ABCA13: variants seen among roughly 807,000 people sequenced by gnomAD.
The protein encoded by ABCA13 is ATP-binding cassette sub-family A member 13.
Under a neutral mutation model 478.7 loss-of-function variants are expected in ABCA13, and 476 were observed. The ratio of observed to expected loss-of-function variants is 0.99; its 90% CI spans 0.92 to 1.07. The LOEUF is 1.07. ABCA13 is among the 50% of genes least tolerant of loss of function. ABCA13 has a pLI of 0.00. For missense variants in ABCA13, 6,060 were observed against 5,910.6 expected, an observed-to-expected ratio of 1.03 and a Z score of -0.83; for synonymous variants, 2,252 against 2,158.9, an observed-to-expected ratio of 1.04 and a Z score of -1.20.
At position 48,410,411 on chromosome 7, in the gene ABCA13, G is replaced by C. The variant is rs566623052; in HGVS notation, c.12071-109G>C. 1.0e-5 allele frequency: 14 copies of C among 1,373,428 alleles called. No individual in the cohort carries two copies. The South Asian group carries it at 1.6e-4, about 16-fold the overall frequency. The allele number at this position is 1,373,428 out of a possible 1,614,324, so 85.1% of individuals were successfully genotyped here. On this transcript the variant is annotated intron_variant, in intron 39 of 61. Coordinates refer to ENST00000435803, the MANE Select transcript of ABCA13 (RefSeq NM_152701.5). ...TCAATTTTTTTCAGTTTGAAAATTG[G>C]TGAGGATCTTTAAATTGTGCCCTGG...
At chr7:48,564,319 C>A (rs138108845) in intron 55 of ABCA13, among the ~76,000 whole-genome samples, 150 of 151,814 alleles carry the variant, frequency 9.9e-4, no homozygotes, top group African/African-American at 3.3e-3. Context: ...AAGACACTGA[C>A]AGATTTAAAG....
chr7:48,178,717 G>GAA (rs926283435), intron 1 of ABCA13, among the ~76,000 whole-genome samples: 13 of 143,270 alleles, frequency 9.1e-5, no homozygotes, highest in African/African-American at 3.3e-4. Flanking sequence ...AAAATAAAAT[G>GAA]AAAAAAAAAA....
intron 7 of ABCA13, among the ~76,000 whole-genome samples, chr7:48,231,095 C>G (rs148776992): frequency 6.6e-6 from 1 of 150,832 alleles, no homozygotes; most frequent in African/African-American, 2.4e-5. Context: ...ATAGGTGCAG[C>G]AAATCACCAT....
intron 59 of ABCA13, among the ~76,000 whole-genome samples, chr7:48,635,555 T>A (rs1354700288): frequency 6.6e-6 from 1 of 152,188 alleles, no homozygotes; most frequent in African/African-American, 2.4e-5. Flanking sequence ...CTCTGTCTAA[T>A]GAGCCTTTGT....
intron 48 of ABCA13, among the ~76,000 whole-genome samples, chr7:48,504,276 A>G (rs922992790): frequency 2.6e-5 from 4 of 152,146 alleles, no homozygotes; most frequent in Admixed American, 6.5e-5. Context: ...GGTAAAGAAT[A>G]TGGGCTCTAT....
chr7:48,378,979 G>A (rs1813922097), intron 35 of ABCA13, among the ~76,000 whole-genome samples: 1 of 152,150 alleles, frequency 6.6e-6, no homozygotes, highest in African/African-American at 2.4e-5. Flanking sequence ...TTTAGAGTGG[G>A]AGGTTTTATA....
chr7:48,216,731 C>T (rs1584249398), intron 3 of ABCA13, among the ~76,000 whole-genome samples: 1 of 151,860 alleles, frequency 6.6e-6, no homozygotes, highest in East Asian at 1.9e-4. Context: ...ACATTTTAGT[C>T]TATTATCCAT....
chr7:48,290,844 G>A (rs1798405421), intron 20 of ABCA13, among the ~76,000 whole-genome samples: 2 of 138,350 alleles, frequency 1.4e-5, no homozygotes, highest in Admixed American at 1.6e-4. Flanking sequence ...GCATTGATAT[G>A]CTACAAAAAG....
At chr7:48,555,890 G>A (rs1261175927) in intron 55 of ABCA13, among the ~76,000 whole-genome samples, 3 of 151,140 alleles carry the variant, frequency 2.0e-5, no homozygotes, top group Non-Finnish European at 4.4e-5. Context: ...TCTTTAATAT[G>A]ATTATTAGGT....
intron 35 of ABCA13, among the ~76,000 whole-genome samples, chr7:48,381,394 C>T (rs1041199725): frequency 1.3e-5 from 2 of 151,984 alleles, no homozygotes; most frequent in African/African-American, 4.8e-5. Flanking sequence ...CACACACGCA[C>T]GCACACACCC....
At chr7:48,436,433 G>A (rs565201907) in intron 42 of ABCA13, among the ~76,000 whole-genome samples, 1 of 151,536 alleles carries the variant, frequency 6.6e-6, no homozygotes, top group South Asian at 2.1e-4. Flanking sequence ...CTAGCTAAAG[G>A]TTTATCTATT....
intron 42 of ABCA13, among the ~76,000 whole-genome samples, chr7:48,429,616 A>G (rs1431979117): frequency 2.0e-5 from 3 of 152,208 alleles, no homozygotes; most frequent in African/African-American, 7.2e-5. Flanking sequence ...GTCCATTATT[A>G]AAATTGGGCA....
intron 29 of ABCA13, among the ~76,000 whole-genome samples, chr7:48,346,039 G>A (rs1303726889): frequency 6.6e-6 from 1 of 152,164 alleles, no homozygotes; most frequent in Non-Finnish European, 1.5e-5. Context: ...ATGCAGGTTT[G>A]TAGCCTAGGA....
intron 55 of ABCA13, among the ~76,000 whole-genome samples, chr7:48,545,801 A>G (rs1784766658): frequency 6.7e-6 from 1 of 149,932 alleles, no homozygotes; most frequent in African/African-American, 2.5e-5. Flanking sequence ...AAAGAAAAAC[A>G]ATGGTTGGGT....
chr7:48,469,879 C>A (rs930241), intron 44 of ABCA13, among the ~76,000 whole-genome samples: 24,150 of 150,862 alleles, frequency 0.16, 2,427 homozygotes, highest in East Asian at 0.23. Context: ...GAGATTGTGC[C>A]ATTGCATTCC....
At chr7:48,471,714 T>C in intron 45 of ABCA13, 115 bp downstream of exon 45, 1 of 964,242 alleles carries the variant, frequency 1.0e-6, no homozygotes. Flanking sequence ...AACTTTTTGG[T>C]TTCCTGGATT....
intron 17 of ABCA13, among the ~76,000 whole-genome samples, chr7:48,277,244 G>A (rs1250756485): frequency 1.3e-5 from 2 of 152,092 alleles, no homozygotes; most frequent in African/African-American, 2.4e-5. Flanking sequence ...AGTAGGCAGG[G>A]GCGCCCACAG....
At chr7:48,639,474 A>T (rs1794941736) in intron 59 of ABCA13, among the ~76,000 whole-genome samples, 1 of 152,212 alleles carries the variant, frequency 6.6e-6, no homozygotes, top group Admixed American at 6.5e-5. Context: ...TTCCACAGTC[A>T]GTGCTGTAAC....
At chr7:48,425,085 T>A (rs1821228334) in intron 41 of ABCA13, among the ~76,000 whole-genome samples, 1 of 152,160 alleles carries the variant, frequency 6.6e-6, no homozygotes, top group Non-Finnish European at 1.5e-5. Context: ...CATAATTGAT[T>A]GTATCTCCTG....
Sources: gnomAD v4.1 joint callset for allele counts (sites outside exome capture counted in the v4.1 genomes callset) on GRCh38, gnomAD v4.1.1 for gene constraint, MANE v1.5 for transcripts, NCBI Gene and HGNC (gene_info 2026-07-23, HGNC 2026-07-21) for gene names.